Variants in PLXNA2 observed in about 807,000 individuals in gnomAD.
PLXNA2 encodes plexin-A2.
Under a neutral mutation model 193.5 loss-of-function variants are expected in PLXNA2, and 91 were observed. The ratio of observed to expected loss-of-function variants is 0.47; its 90% CI spans 0.40 to 0.56. PLXNA2 has a LOEUF of 0.56. Ranked by LOEUF, PLXNA2 falls within the 20% of genes least tolerant of loss-of-function variation. The probability of loss-of-function intolerance (pLI) is 0.00; values close to 1 mark genes in which losing one functional copy is unlikely to be tolerated. For synonymous variants in PLXNA2, 997 were observed against 1,027.3 expected (o/e 0.97, Z 0.56); for missense variants, 1,995 against 2,503.2 (o/e 0.80, Z 4.33).
chr1:208,052,298 C>G, intron 15 of PLXNA2, 29 bp downstream of exon 15: 1 of 1,609,100 alleles, frequency 6.2e-7, no homozygotes, highest in Non-Finnish European at 8.5e-7. Flanking sequence ...GATGTGCAGT[C>G]TTCTGGTGGC....
chr1:208,077,658 A>G (rs1251665409), intron 12 of PLXNA2, among the ~76,000 whole-genome samples: 2 of 152,160 alleles, frequency 1.3e-5, no homozygotes, highest in African/African-American at 2.4e-5. Flanking sequence ...AATCAGGGGG[A>G]AGGCACGGAG....
intron 4 of PLXNA2, among the ~76,000 whole-genome samples, chr1:208,118,747 T>C (rs1667718014): frequency 6.6e-6 from 1 of 151,370 alleles, no homozygotes; most frequent in African/African-American, 2.4e-5. Context: ...AGATACATTT[T>C]TTTTCTTTTT....
intron 3 of PLXNA2, among the ~76,000 whole-genome samples, chr1:208,192,839 AT>A (rs1372141110): frequency 1.3e-5 from 2 of 151,254 alleles, no homozygotes; most frequent in Non-Finnish European, 2.9e-5. Context: ...GTGAGCCGAG[AT>A]TGCACCATTG....
chr1:208,207,004 C>T (rs999051360), intron 3 of PLXNA2, among the ~76,000 whole-genome samples: 5 of 151,642 alleles, frequency 3.3e-5, no homozygotes, highest in Admixed American at 6.6e-5. Context: ...TTTTGTTTTG[C>T]TTTGTTTTGT....
intron 12 of PLXNA2, among the ~76,000 whole-genome samples, chr1:208,063,200 A>G (rs567963605): frequency 6.6e-6 from 1 of 152,330 alleles, no homozygotes; most frequent in South Asian, 2.1e-4. Flanking sequence ...GTGAAATGAA[A>G]TCTTTCTGGA....
chr1:208,240,998 C>T (rs1672033360), intron 1 of PLXNA2, among the ~76,000 whole-genome samples: 1 of 152,148 alleles, frequency 6.6e-6, no homozygotes. Context: ...ATAAAACCCC[C>T]AAACAGTGAC....
intron 8 of PLXNA2, among the ~76,000 whole-genome samples, chr1:208,093,234 G>T (rs1666771024): frequency 6.6e-6 from 1 of 152,234 alleles, no homozygotes; most frequent in Non-Finnish European, 1.5e-5. Context: ...GGCCATGGTG[G>T]AAATAGTTGC....
intron 3 of PLXNA2, among the ~76,000 whole-genome samples, chr1:208,165,759 C>A (rs1669282406): frequency 6.6e-6 from 1 of 152,196 alleles, no homozygotes. Flanking sequence ...CACCTCAGAA[C>A]TACAGAGTTC....
At chr1:208,174,454 G>C (rs929247680) in intron 3 of PLXNA2, among the ~76,000 whole-genome samples, 1 of 152,042 alleles carries the variant, frequency 6.6e-6, no homozygotes, top group Non-Finnish European at 1.5e-5. Context: ...AGGGAAGAAG[G>C]CATTGTCAAA....
intron 3 of PLXNA2, among the ~76,000 whole-genome samples, chr1:208,203,894 G>A (rs1248929201): frequency 6.6e-6 from 1 of 152,234 alleles, no homozygotes; most frequent in Non-Finnish European, 1.5e-5. Flanking sequence ...TAACCCCAGG[G>A]CTGAGGAGAG....
intron 9 of PLXNA2, among the ~76,000 whole-genome samples, chr1:208,085,864 C>T (rs368947763): frequency 5.3e-5 from 8 of 152,180 alleles, no homozygotes; most frequent in South Asian, 4.2e-4. Flanking sequence ...CATGCTTTTC[C>T]GTCTATTAGA....
intron 17 of PLXNA2, among the ~76,000 whole-genome samples, chr1:208,049,628 G>T (rs1224192722): frequency 6.6e-6 from 1 of 152,192 alleles, no homozygotes; most frequent in Non-Finnish European, 1.5e-5. Context: ...CTGGATGTTT[G>T]GGATCCACCT....
chr1:208,239,702 C>T (rs1671984918), intron 1 of PLXNA2, among the ~76,000 whole-genome samples: 1 of 152,216 alleles, frequency 6.6e-6, no homozygotes, highest in African/African-American at 2.4e-5. Context: ...TGCTCCGAAT[C>T]CTGTGTGAAG....
intron 29 of PLXNA2, chr1:208,029,271 C>A: frequency 7.4e-7 from 1 of 1,356,770 alleles, no homozygotes; most frequent in Non-Finnish European, 9.5e-7. Flanking sequence ...ACCCTGATCT[C>A]TAACATCCGA....
intron 1 of PLXNA2, among the ~76,000 whole-genome samples, chr1:208,234,380 C>T (rs1247292099): frequency 6.6e-6 from 1 of 152,212 alleles, no homozygotes; most frequent in Non-Finnish European, 1.5e-5. Flanking sequence ...AAATCAAGGG[C>T]TCTTGCTGAC....
chr1:208,203,790 C>T (rs987187832), intron 3 of PLXNA2, among the ~76,000 whole-genome samples: 1 of 152,086 alleles, frequency 6.6e-6, no homozygotes, highest in South Asian at 2.1e-4. Context: ...GATGCAGGGG[C>T]GATCAGCACC....
chr1:208,098,891 A>C lies in PLXNA2; in HGVS notation c.1686T>G (p.Leu562=), dbSNP rs1329593854. The C allele has an allele frequency of 1.2e-6, 2 of 1,613,852 alleles. No homozygotes were observed. Among genetic ancestry groups the C allele is most frequent in the South Asian group, 2.2e-5 (2 of 90,988 alleles). The change falls in exon 6 of 32, where the codon CTT becomes CTG. Residue 562 remains leucine (L), a synonymous_variant. Transcript: ENST00000367033. ...FAASISQCVS[L]AVHPSSISVS... ...CTGAGATGCTGCTGGGATGCACTGC[A>C]AGGCTCACACACTGGCTGATGCTGG...
chr1:208,143,857 G>C (rs1438256968), intron 3 of PLXNA2, among the ~76,000 whole-genome samples: 1 of 152,062 alleles, frequency 6.6e-6, no homozygotes, highest in Non-Finnish European at 1.5e-5. Flanking sequence ...CGTAAGTCCT[G>C]TCAACATTTT....
At chr1:208,104,207 G>T (rs1161478039) in intron 4 of PLXNA2, among the ~76,000 whole-genome samples, 12 of 152,182 alleles carry the variant, frequency 7.9e-5, no homozygotes, top group Non-Finnish European at 1.6e-4. Flanking sequence ...ATAACCTGTG[G>T]TCCAGTAGCA....
Sources: allele counts gnomAD v4.1 joint callset (sites outside exome capture counted in the v4.1 genomes callset), GRCh38; gene constraint gnomAD v4.1.1; transcripts MANE v1.5; gene names NCBI Gene and HGNC (gene_info 2026-07-23, HGNC 2026-07-21).